SYNPO2: variants seen among roughly 807,000 people sequenced by gnomAD.
SYNPO2 encodes the protein synaptopodin 2.
In SYNPO2, 56 loss-of-function variants were observed where a neutral mutation model predicts 85.0. The observed-to-expected ratio is 0.66, with a 90% CI of 0.53 to 0.82. The LOEUF (loss-of-function observed/expected upper bound fraction) is 0.82, where lower values mean the gene tolerates loss of function less well. Among genes scored for constraint, SYNPO2 ranks in the 40% least tolerant of loss-of-function variants. The pLI is 0.00. For missense variants in SYNPO2, 1,575 were observed against 1,534.2 expected (o/e 1.03, Z -0.44); for synonymous variants, 602 against 591.1 (o/e 1.02, Z -0.27).
chr4:119,057,841 A>C lies in SYNPO2; in HGVS notation c.3693A>C (p.Ala1231=), dbSNP rs1238328450. 4 of 1,614,026 alleles carry C rather than the reference A, an allele frequency of 2.5e-6. No individual in the cohort carries two copies. The highest frequency in any genetic ancestry group is 1.3e-5 in the African/African-American group (1 of 74,912). The change falls in exon 5 of 5, where the codon GCA becomes GCC. Residue 1231 remains alanine (A), a synonymous_variant. Transcript: ENST00000307142. ...GGCAGGCTTCAAGAAATGATTCTGC[A>C]ATCATGTCCATGGAAACCAGGTCTG... ...YYRQASRNDS[A]IMSMETRSDY...
intron 4 of SYNPO2, chr4:119,032,396 T>A (rs537396139): frequency 3.4e-6 from 4 of 1,165,786 alleles, no homozygotes; most frequent in Non-Finnish European, 4.3e-6. Flanking sequence ...AGCCTTTATG[T>A]AACATAACAG....
intron 1 of SYNPO2, among the ~76,000 whole-genome samples, chr4:118,909,437 C>T (rs536443648): frequency 2.6e-5 from 4 of 152,228 alleles, no homozygotes; most frequent in African/African-American, 9.6e-5. Context: ...GATGCCTGTT[C>T]CCTGGACTTG....
intron 1 of SYNPO2, among the ~76,000 whole-genome samples, chr4:118,897,876 G>A (rs1189845490): frequency 6.6e-6 from 1 of 152,186 alleles, no homozygotes; most frequent in Non-Finnish European, 1.5e-5. Context: ...ACAAGAGCAT[G>A]CTGGAGAGAT....
intron 1 of SYNPO2, among the ~76,000 whole-genome samples, chr4:118,907,204 T>C (rs887215610): frequency 6.6e-6 from 1 of 152,200 alleles, no homozygotes; most frequent in Non-Finnish European, 1.5e-5. Flanking sequence ...ATGTAATCAA[T>C]ATGTTTTTTA....
chr4:119,031,012 T>G lies in SYNPO2; in HGVS notation c.2237T>G (p.Met746Arg). 6.2e-7 allele frequency: 1 copy of G among 1,614,128 alleles called. No individual in the cohort carries two copies. Among genetic ancestry groups the G allele is most frequent in the Non-Finnish European group, 8.5e-7 (1 of 1,180,010 alleles). The change falls in exon 4 of 5, where the codon ATG becomes AGG. Residue 746 changes from methionine (M) to arginine (R), a missense_variant. Coordinates refer to ENST00000307142, the MANE Select transcript of SYNPO2 (RefSeq NM_133477.3). ...TTGGGGGCAGAGGCTTGTAATTTCA[T>G]GCAAAGCTCCTCTGCCAAACAAAAG... is the stretch of plus-strand genomic sequence containing the variant. ...LSLGAEACNFMQSSSAKQKTP... is the reference protein window; with the variant it reads ...LSLGAEACNFRQSSSAKQKTP...
intron 4 of SYNPO2, chr4:119,038,161 C>T (rs943732616): frequency 2.6e-5 from 26 of 985,182 alleles, no homozygotes; most frequent in South Asian, 9.4e-5. Context: ...CATCAGACCC[C>T]GGAATTTCAC....
chr4:118,913,826 T>G (rs924252876), intron 1 of SYNPO2, among the ~76,000 whole-genome samples: 2 of 152,308 alleles, frequency 1.3e-5, no homozygotes, highest in Non-Finnish European at 2.9e-5. Context: ...CTTCTTCCTT[T>G]CAAATGCATC....
intron 1 of SYNPO2, among the ~76,000 whole-genome samples, chr4:118,933,645 G>A (rs1471627248): frequency 1.3e-5 from 2 of 152,080 alleles, no homozygotes; most frequent in Admixed American, 6.6e-5. Context: ...TAGAACCAAG[G>A]TTAAGGAGGA....
At chr4:119,044,763 A>G (rs1738825656) in intron 4 of SYNPO2, among the ~76,000 whole-genome samples, 1 of 152,214 alleles carries the variant, frequency 6.6e-6, no homozygotes, top group African/African-American at 2.4e-5. Flanking sequence ...AGGGCCCAGG[A>G]TATTAATCAA....
At position 119,059,313 on chromosome 4, in the gene SYNPO2, T is replaced by G. The variant is rs1371987345; in HGVS notation, c.*1379T>G. ...TTATGCAATCGTAGGTCATGATAAT[T>G]TATTCAGTTATAGAAAACATGCCAC... On this transcript the variant is annotated 3_prime_UTR_variant, in exon 5 of 5. Coordinates refer to ENST00000307142, the MANE Select transcript of SYNPO2 (RefSeq NM_133477.3). 6.6e-6 allele frequency: 1 copy of G among 152,160 alleles called. No individual in the cohort carries two copies. Among genetic ancestry groups the G allele is most frequent in the Non-Finnish European group, 1.5e-5 (1 of 68,014 alleles). The allele number at this position is 152,160 out of a possible 1,614,324, so 9.4% of individuals were successfully genotyped here. A position where few individuals can be genotyped will look rare whatever the true frequency, so the allele number is the denominator to read the frequency against.
chr4:119,012,375 C>CTTTTTTTTT (rs10651853), intron 1 of SYNPO2, among the ~76,000 whole-genome samples: 196 of 109,644 alleles, frequency 1.8e-3, no homozygotes, highest in Non-Finnish European at 2.1e-3. Flanking sequence ...TCCCCCTTTT[C>CTTTTTTTTT]TTTTTTTTTT....
chr4:118,870,291 C>T (rs4834710), intron 1 of SYNPO2, among the ~76,000 whole-genome samples: 1 of 152,070 alleles, frequency 6.6e-6, no homozygotes, highest in Non-Finnish European at 1.5e-5. Flanking sequence ...GATCCTTCCC[C>T]CTTCAGAGGC....
intron 1 of SYNPO2, among the ~76,000 whole-genome samples, chr4:118,947,586 G>A (rs1416101266): frequency 6.6e-6 from 1 of 152,164 alleles, no homozygotes; most frequent in East Asian, 1.9e-4. Context: ...TCCTCTCCCT[G>A]TCGGGGCAGA....
In SYNPO2 at chr4:119,030,963, G is replaced by A. The variant is rs1168256741; in HGVS notation, c.2188G>A (p.Gly730Arg). The A allele has an allele frequency of 4.3e-6, 7 of 1,614,012 alleles. No homozygotes were observed. Among genetic ancestry groups the A allele is most frequent in the Middle Eastern group, 1.6e-4 (1 of 6,084 alleles). Residue 730 changes from glycine (G) to arginine (R), a missense_variant, in exon 4 of 5, where the codon GGA (glycine) becomes AGA (arginine). By Grantham distance (125) the Gly-to-Arg change is moderately radical. Transcript: ENST00000307142. The part of the protein sequence containing the change: ...KRGTGAGGDS[G>R]PEEDYLSLGA... ...GGGCACTGGAGCTGGAGGTGATTCC[G>A]GACCGGAAGAAGACTACCTCAGCTT...
rs1016340765 is a variant in SYNPO2 at position 118,903,741 on chromosome 4, C to G, written c.105+14600C>G. On this transcript the variant is annotated intron_variant, in intron 1 of 4. Coordinates refer to ENST00000307142, the MANE Select transcript of SYNPO2 (RefSeq NM_133477.3). ...ACAATTTTTTTTTTTTAGACGGAAT[C>G]TCACTCTGTCACCAGGCTGGAGTGC... Among the ~76,000 whole-genome samples, 73 of 150,860 alleles carry G rather than the reference C, an allele frequency of 4.8e-4. 1 individual carries two copies. The highest frequency in any genetic ancestry group is 1.8e-3 in the African/African-American group (73 of 41,012).
At position 119,058,846 on chromosome 4, in the gene SYNPO2, CAGAA is replaced by C. The variant is rs1321474902; in HGVS notation, c.*918_*921del. 2 of 151,944 alleles carry C rather than the reference CAGAA, an allele frequency of 1.3e-5. No homozygotes were observed. The highest frequency in any genetic ancestry group is 2.4e-5 in the African/African-American group (1 of 41,340). The allele number at this position is 151,944 out of a possible 1,614,324, so 9.4% of individuals were successfully genotyped here. A position where few individuals can be genotyped will look rare whatever the true frequency, so the allele number is the denominator to read the frequency against. On this transcript the variant is annotated 3_prime_UTR_variant, in exon 5 of 5. Coordinates refer to ENST00000307142, the MANE Select transcript of SYNPO2 (RefSeq NM_133477.3). ...AAAAGAATTAAAATGTGGGAGTTCT[CAGAA>C]AGAAATAAACACATGAGAATAAGAT...
chr4:118,999,415 G>A (rs1736740465), intron 1 of SYNPO2, among the ~76,000 whole-genome samples: 1 of 152,110 alleles, frequency 6.6e-6, no homozygotes, highest in African/African-American at 2.4e-5. Flanking sequence ...GCCTCCCAAA[G>A]CGCTGGAATT....
intron 1 of SYNPO2, among the ~76,000 whole-genome samples, chr4:118,909,087 T>C (rs1733045822): frequency 6.6e-6 from 1 of 152,130 alleles, no homozygotes. Flanking sequence ...TCCAGATTCA[T>C]GGGAGTGACT....
intron 1 of SYNPO2, among the ~76,000 whole-genome samples, chr4:118,927,776 T>TGATAGATAGATAGATAGATA (rs70944822): frequency 0.026 from 2,594 of 101,268 alleles, 110 homozygotes; most frequent in South Asian, 0.059. Flanking sequence ...GATAGATAGA[T>TGATAGATAGATAGATAGATA]GATAGATAGA....
Sources: allele counts gnomAD v4.1 joint callset (sites outside exome capture counted in the v4.1 genomes callset), GRCh38; gene constraint gnomAD v4.1.1; transcripts MANE v1.5; gene names NCBI Gene and HGNC (gene_info 2026-07-23, HGNC 2026-07-21).